ZMYM2: variants seen among roughly 807,000 people sequenced by gnomAD.
ZMYM2 encodes the protein zinc finger MYM-type protein 2.
ZMYM2 carries 56 observed loss-of-function variants against 162.8 expected under a neutral mutation model. That is an observed-to-expected ratio of 0.34 (90% CI 0.28 to 0.43). ZMYM2 has a LOEUF of 0.43. ZMYM2 is among the 20% of genes least tolerant of loss of function. The probability of loss-of-function intolerance (pLI) is 1.00; values close to 1 mark genes in which losing one functional copy is unlikely to be tolerated. For missense variants in ZMYM2, 1,275 were observed against 1,621.8 expected, an observed-to-expected ratio of 0.79 and a Z score of 3.67; for synonymous variants, 510 against 541.6, an observed-to-expected ratio of 0.94 and a Z score of 0.81.
At chr13:19,892,267 A>T in the ZMYM2 span, among the ~76,000 whole-genome samples, 1 of 150,464 alleles carries the variant, frequency 6.6e-6, no homozygotes, top group South Asian at 2.1e-4. Context: ...ATTTATTTTT[A>T]TTTATTTATT....
chr13:19,948,734 C>T, the ZMYM2 span, among the ~76,000 whole-genome samples: 1 of 152,132 alleles, frequency 6.6e-6, no homozygotes, highest in South Asian at 2.1e-4. Context: ...ACAAAACGTA[C>T]CACTCTGGTG....
intron 6 of ZMYM2, among the ~76,000 whole-genome samples, chr13:20,009,403 A>G (rs1950996681): frequency 6.6e-6 from 1 of 152,194 alleles, no homozygotes; most frequent in African/African-American, 2.4e-5. Context: ...GTTTTTAAAC[A>G]TTGTGGTAGA....
intron 7 of ZMYM2, among the ~76,000 whole-genome samples, chr13:20,023,124 T>C (rs1952262959): frequency 6.6e-6 from 1 of 152,214 alleles, no homozygotes; most frequent in Non-Finnish European, 1.5e-5. Flanking sequence ...TCATAGGCCC[T>C]ATTAAACTAA....
intron 2 of ZMYM2, among the ~76,000 whole-genome samples, chr13:19,968,703 G>A (rs1172142700): frequency 6.6e-6 from 1 of 152,160 alleles, no homozygotes; most frequent in East Asian, 1.9e-4. Context: ...TGACTCCATT[G>A]TAGCCAGATT....
chr13:20,064,650 A>G (rs1300533324), intron 19 of ZMYM2, 105 bp downstream of exon 19: 2 of 713,362 alleles, frequency 2.8e-6, no homozygotes, highest in Non-Finnish European at 2.0e-6. Context: ...TTTGTTTTCT[A>G]GGTTGGAAAA....
chr13:19,975,861 A>AATGT (rs71070281), intron 2 of ZMYM2, among the ~76,000 whole-genome samples: 61,875 of 146,644 alleles, frequency 0.42, 13,853 homozygotes, highest in South Asian at 0.53. Context: ...CCATTTTTAA[A>AATGT]ATGTATGTAT....
the ZMYM2 span, among the ~76,000 whole-genome samples, chr13:19,892,156 G>A: frequency 0.016 from 2,381 of 151,818 alleles, 74 homozygotes; most frequent in African/African-American, 0.042. Flanking sequence ...TTTCCCAGGC[G>A]GGTCTCAAAC....
chr13:20,009,070 T>C (rs1950969907), intron 6 of ZMYM2, among the ~76,000 whole-genome samples: 1 of 151,996 alleles, frequency 6.6e-6, no homozygotes, highest in Non-Finnish European at 1.5e-5. Flanking sequence ...AAATAAGAAA[T>C]GACAAGGTAG....
At chr13:20,048,134 A>G (rs536012575) in intron 12 of ZMYM2, among the ~76,000 whole-genome samples, 2 of 152,138 alleles carry the variant, frequency 1.3e-5, no homozygotes, top group South Asian at 4.1e-4. Context: ...GTTTTTTAAC[A>G]CAGGCTTTGA....
the ZMYM2 span, among the ~76,000 whole-genome samples, chr13:19,901,843 A>G: frequency 6.6e-6 from 1 of 152,116 alleles, no homozygotes; most frequent in South Asian, 2.1e-4. Flanking sequence ...CCCAGGCTGC[A>G]GTGCAGTGGT....
intron 2 of ZMYM2, among the ~76,000 whole-genome samples, chr13:19,983,331 A>AG (rs918226048): frequency 4.6e-5 from 7 of 151,998 alleles, no homozygotes; most frequent in African/African-American, 1.7e-4. Flanking sequence ...TTTTTAGTAG[A>AG]GATGGGGTTT....
chr13:20,066,823 ATAT>A (rs757122439), intron 19 of ZMYM2, 25 bp from the exon 20 acceptor site: 20 of 1,514,310 alleles, frequency 1.3e-5, no homozygotes, highest in Non-Finnish European at 6.2e-6. Context: ...TTTAAAAAAG[ATAT>A]TATTATGGTG....
At chr13:20,036,243 TTTCTC>T (rs1240413714) in intron 11 of ZMYM2, among the ~76,000 whole-genome samples, 2 of 142,970 alleles carry the variant, frequency 1.4e-5, no homozygotes, top group Non-Finnish European at 3.1e-5. Context: ...ACAAAAGTAT[TTTCTC>T]TGGGCAAGTC....
the ZMYM2 span, among the ~76,000 whole-genome samples, chr13:19,892,272 T>G: frequency 6.6e-6 from 1 of 151,438 alleles, no homozygotes. Context: ...TTTTTATTTA[T>G]TTATTTATTT....
chr13:19,906,104 T>C, the ZMYM2 span, among the ~76,000 whole-genome samples: 2 of 151,410 alleles, frequency 1.3e-5, no homozygotes, highest in Non-Finnish European at 2.9e-5. Context: ...GGTGAAACCC[T>C]GTCTCTACTA....
chr13:20,030,767 T>C (rs1460278893), intron 9 of ZMYM2, among the ~76,000 whole-genome samples: 1 of 151,974 alleles, frequency 6.6e-6, no homozygotes. Flanking sequence ...CTCCTGACCT[T>C]GGGTGATCTG....
chr13:19,943,599 G>A, the ZMYM2 span, among the ~76,000 whole-genome samples: 1 of 152,146 alleles, frequency 6.6e-6, no homozygotes, highest in Non-Finnish European at 1.5e-5. Flanking sequence ...GCATTTTGAA[G>A]TCTTTTTCAC....
the ZMYM2 span, among the ~76,000 whole-genome samples, chr13:19,873,322 C>T: frequency 6.6e-6 from 1 of 152,102 alleles, no homozygotes; most frequent in Non-Finnish European, 1.5e-5. Context: ...GCCTTTCCCT[C>T]TCTCATGACA....
rs116654143 is a variant in ZMYM2 at position 20,049,692 on chromosome 13, G to A, written c.2293-1741G>A. ...ATTTTTAATATTTGACCTTAGTCAA[G>A]TCATTTAATCTTTCTAGATCTTAGT... is the stretch of plus-strand genomic sequence containing the variant. On this transcript the variant is annotated intron_variant, in intron 12 of 24. Transcript: ENST00000610343. Among the ~76,000 whole-genome samples the A allele has an allele frequency of 3.2e-3, 493 of 152,140 alleles. 4 individuals carry two copies. The highest frequency in any genetic ancestry group is 0.011 in the African/African-American group (473 of 41,562).
Sources: gnomAD v4.1 joint callset for allele counts (sites outside exome capture counted in the v4.1 genomes callset) on GRCh38, gnomAD v4.1.1 for gene constraint, MANE v1.5 for transcripts, NCBI Gene and HGNC (gene_info 2026-07-23, HGNC 2026-07-21) for gene names.